Variants in FRMD4A observed in about 807,000 individuals in gnomAD.
FRMD4A encodes the protein FERM domain-containing protein 4A.
Under a neutral mutation model 129.1 loss-of-function variants are expected in FRMD4A, and 29 were observed. That is an observed-to-expected ratio of 0.22 (90% confidence interval 0.17 to 0.31). The LOEUF is 0.31. FRMD4A is among the 10% of genes least tolerant of loss of function. The pLI is 1.00. For missense variants in FRMD4A, 1,272 were observed against 1,375.8 expected (o/e 0.92, Z 1.19); for synonymous variants, 634 against 571.6 (o/e 1.11, Z -1.56).
intron 2 of FRMD4A, among the ~76,000 whole-genome samples, chr10:14,315,905 A>G (rs999441087): frequency 6.6e-5 from 10 of 152,250 alleles, no homozygotes; most frequent in Non-Finnish European, 1.5e-4. Flanking sequence ...TAGGAGCTAA[A>G]GAATCAATGG....
intron 2 of FRMD4A, among the ~76,000 whole-genome samples, chr10:14,291,227 A>G (rs984310091): frequency 6.6e-6 from 1 of 152,186 alleles, no homozygotes; most frequent in African/African-American, 2.4e-5. Context: ...TACATTTGTA[A>G]TACCATCTAA....
At chr10:14,061,682 G>T (rs1238539735) in intron 2 of FRMD4A, among the ~76,000 whole-genome samples, 4 of 152,136 alleles carry the variant, frequency 2.6e-5, no homozygotes, top group African/African-American at 9.7e-5. Context: ...GGGATTGGCA[G>T]GGAGCTTATG....
intron 23 of FRMD4A, 21 bp downstream of exon 23, chr10:13,654,395 G>T: frequency 2.7e-6 from 4 of 1,477,054 alleles, no homozygotes; most frequent in Non-Finnish European, 3.8e-6. Flanking sequence ...ACACAGTGAA[G>T]AACATAGAAG....
intron 2 of FRMD4A, among the ~76,000 whole-genome samples, chr10:14,316,468 C>G (rs1244819081): frequency 7.9e-6 from 1 of 127,232 alleles, no homozygotes; most frequent in Non-Finnish European, 1.6e-5. Flanking sequence ...GATTTATGTT[C>G]ATTATAAATT....
chr10:13,968,029 A>G (rs146219057), intron 2 of FRMD4A, among the ~76,000 whole-genome samples: 1 of 152,290 alleles, frequency 6.6e-6, no homozygotes, highest in African/African-American at 2.4e-5. Flanking sequence ...GGGGCGCTTA[A>G]GACATTTTAT....
intron 2 of FRMD4A, among the ~76,000 whole-genome samples, chr10:14,182,173 G>A (rs779964432): frequency 2.2e-4 from 34 of 152,266 alleles, no homozygotes; most frequent in Non-Finnish European, 4.3e-4. Context: ...AAAAATGATA[G>A]TGATCAATGG....
intron 2 of FRMD4A, among the ~76,000 whole-genome samples, chr10:13,895,489 A>T (rs1327691736): frequency 2.0e-5 from 3 of 152,150 alleles, no homozygotes; most frequent in Non-Finnish European, 2.9e-5. Flanking sequence ...CCACAACCAG[A>T]ACTAGTACCT....
In FRMD4A at chr10:13,884,208, T is replaced by TCACACACACA. The variant is rs747364370; in HGVS notation, c.46-25306_46-25297dup. Among the ~76,000 whole-genome samples, 36 of 81,710 alleles carry TCACACACACA rather than the reference T, an allele frequency of 4.4e-4. 1 individual carries two copies. Among genetic ancestry groups the TCACACACACA allele is most frequent in the African/African-American group, 1.3e-3 (27 of 20,850 alleles). The allele number at this position is 81,710 out of a possible 152,430, so 53.6% of individuals were successfully genotyped here. ...CACACACACACACTCACACACACAC[T>TCACACACACA]CACACACACACACACACACACACAC... is the stretch of plus-strand genomic sequence containing the variant. On this transcript the variant is annotated intron_variant, in intron 2 of 24. Coordinates refer to ENST00000357447, the MANE Select transcript of FRMD4A (RefSeq NM_018027.5).
In FRMD4A at chr10:13,644,277, G is replaced by A. The variant is rs1267605303; in HGVS notation, c.*2761C>T. ...GGCTTTATATCAGACCAAGGACTTC[G>A]TATTTCACCTTATTTTGTTTTAAAG... On this transcript the variant is annotated 3_prime_UTR_variant, in exon 25 of 25. Coordinates refer to ENST00000357447, the MANE Select transcript of FRMD4A (RefSeq NM_018027.5). The A allele has an allele frequency of 3.3e-5, 5 of 152,270 alleles. No homozygotes were observed. Among genetic ancestry groups the A allele is most frequent in the African/African-American group, 7.2e-5 (3 of 41,550 alleles). The allele number at this position is 152,270 out of a possible 1,614,324, so 9.4% of individuals were successfully genotyped here.
intron 2 of FRMD4A, among the ~76,000 whole-genome samples, chr10:13,959,851 C>A (rs561102734): frequency 6.6e-6 from 1 of 152,196 alleles, no homozygotes; most frequent in East Asian, 1.9e-4. Flanking sequence ...CACTTCCCCT[C>A]GCTCTGAAAA....
At chr10:14,050,125 ATT>A (rs1834190486) in intron 2 of FRMD4A, among the ~76,000 whole-genome samples, 1 of 152,152 alleles carries the variant, frequency 6.6e-6, no homozygotes, top group Non-Finnish European at 1.5e-5. Context: ...GGCTAATGAC[ATT>A]CTTCTCACTG....
intron 2 of FRMD4A, among the ~76,000 whole-genome samples, chr10:13,874,001 C>T (rs1317344829): frequency 6.6e-6 from 1 of 151,102 alleles, no homozygotes; most frequent in Non-Finnish European, 1.5e-5. Context: ...AATCCCAGCA[C>T]TTTGGGAGGC....
intron 12 of FRMD4A, among the ~76,000 whole-genome samples, chr10:13,732,071 T>C (rs982183529): frequency 6.6e-6 from 1 of 152,108 alleles, no homozygotes; most frequent in African/African-American, 2.4e-5. Flanking sequence ...GCTGTCTCTT[T>C]AGAAGGTCCA....
chr10:13,677,106 A>T (rs2084072517), intron 15 of FRMD4A, among the ~76,000 whole-genome samples: 1 of 152,182 alleles, frequency 6.6e-6, no homozygotes, highest in South Asian at 2.1e-4. Flanking sequence ...CTTCTATTTA[A>T]CGTCTCTGAG....
chr10:13,792,282 G>A (rs930517884), intron 5 of FRMD4A, among the ~76,000 whole-genome samples: 1 of 152,142 alleles, frequency 6.6e-6, no homozygotes, highest in Non-Finnish European at 1.5e-5. Flanking sequence ...AAGAGGGCTG[G>A]GGTCGCCGCA....
intron 2 of FRMD4A, among the ~76,000 whole-genome samples, chr10:13,948,068 C>A (rs895181324): frequency 5.5e-5 from 8 of 145,702 alleles, no homozygotes; most frequent in Admixed American, 3.4e-4. Flanking sequence ...AAAAAAAAAA[C>A]ACCTTATCAG....
At chr10:13,952,564 T>G (rs975440039) in intron 2 of FRMD4A, among the ~76,000 whole-genome samples, 1 of 152,166 alleles carries the variant, frequency 6.6e-6, no homozygotes, top group Non-Finnish European at 1.5e-5. Flanking sequence ...AAAATGTACC[T>G]GTAATTCCTA....
intron 2 of FRMD4A, among the ~76,000 whole-genome samples, chr10:14,161,085 G>A (rs747228998): frequency 6.6e-6 from 1 of 152,088 alleles, no homozygotes; most frequent in Non-Finnish European, 1.5e-5. Context: ...CCCCCGAGTC[G>A]CTGGGATTAC....
At chr10:13,920,576 C>T (rs1187338009) in intron 2 of FRMD4A, among the ~76,000 whole-genome samples, 1 of 152,210 alleles carries the variant, frequency 6.6e-6, no homozygotes, top group Non-Finnish European at 1.5e-5. Flanking sequence ...AAGTCCACAG[C>T]ACTTGAATTC....
Sources: gnomAD v4.1 joint callset for allele counts (sites outside exome capture counted in the v4.1 genomes callset) on GRCh38, gnomAD v4.1.1 for gene constraint, MANE v1.5 for transcripts, NCBI Gene and HGNC (gene_info 2026-07-23, HGNC 2026-07-21) for gene names.